FRMD4B: variants seen among roughly 807,000 people sequenced by gnomAD.
FRMD4B encodes FERM domain containing 4B, also known as FERM domain-containing protein 4B.
Under a neutral mutation model 141.5 loss-of-function variants are expected in FRMD4B, and 74 were observed. That is an observed-to-expected ratio of 0.52 (90% CI 0.43 to 0.63). The LOEUF (loss-of-function observed/expected upper bound fraction) is 0.63. Ranked by LOEUF, FRMD4B falls within the 30% of genes least tolerant of loss-of-function variation. The pLI is 0.00. For synonymous variants in FRMD4B, 506 were observed against 467.9 expected, an observed-to-expected ratio of 1.08 and a Z score of -1.05; for missense variants, 1,366 against 1,253.4, an observed-to-expected ratio of 1.09 and a Z score of -1.36.
chr3:69,355,209 A>C (rs1404015142), intron 1 of FRMD4B, among the ~76,000 whole-genome samples: 1 of 152,158 alleles, frequency 6.6e-6, no homozygotes, highest in African/African-American at 2.4e-5. Context: ...AAGCTGAATA[A>C]AATTATCCTA....
In FRMD4B at chr3:69,339,985, C is replaced by T. The variant is rs146411898; in HGVS notation, c.163-26468G>A. Among the ~76,000 whole-genome samples the T allele has an allele frequency of 4.0e-3, 615 of 152,152 alleles. 3 individuals carry two copies. Among genetic ancestry groups the T allele is most frequent in the Non-Finnish European group, 6.7e-3 (453 of 67,982 alleles). On this transcript the variant is annotated intron_variant, in intron 1 of 22. Transcript: ENST00000398540. ...TACCAAGCCCTGCACTGCCTCATTC[C>T]TGCCCACTCTTCCCCTGGTCTTGTG...
chr3:69,196,707 T>TA, intron 13 of FRMD4B, 193 bp downstream of exon 13: 1 of 590,414 alleles, frequency 1.7e-6, no homozygotes, highest in Non-Finnish European at 2.9e-6. Context: ...TGGCCAGTCT[T>TA]ACAACTTTTA....
In FRMD4B at chr3:69,410,731, ATATATATATATATATATATATATAT is replaced by A. The variant is rs1704744268; in HGVS notation, c.-1+21878_-1+21902del. On this transcript the variant is annotated intron_variant, in intron 2 of 5. Coordinates refer to the FRMD4B transcript ENST00000459638. ...TATAAATAAATAAATAAATAAATAT[ATATATATATATATATATATATATAT>A]ATATATATATATATATATTTGAGAC... Among the ~76,000 whole-genome samples the A allele has an allele frequency of 2.2e-3, 180 of 81,462 alleles. 5 individuals are homozygous for A. The highest frequency in any genetic ancestry group is 0.014 in the Middle Eastern group (2 of 148). 53.4% of individuals were successfully genotyped at this position (81,462 alleles called of 152,430 possible).
chr3:69,519,825 T>C (rs1700822515), intron 1 of FRMD4B, among the ~76,000 whole-genome samples: 1 of 151,876 alleles, frequency 6.6e-6, no homozygotes, highest in Non-Finnish European at 1.5e-5. Flanking sequence ...AAGTCTACCG[T>C]ATAATTCTTA....
chr3:69,187,728 T>G, intron 19 of FRMD4B, 42 bp downstream of exon 19: 2 of 1,553,178 alleles, frequency 1.3e-6, no homozygotes, highest in African/African-American at 2.8e-5. Flanking sequence ...AAAAATTTCC[T>G]AGCTGTGGGG....
intron 1 of FRMD4B, among the ~76,000 whole-genome samples, chr3:69,373,034 C>A (rs1357823330): frequency 6.6e-6 from 1 of 152,124 alleles, no homozygotes. Context: ...GATGCAAACA[C>A]CTCCATGATT....
At chr3:69,430,987 T>C (rs1416586872) in intron 2 of FRMD4B, among the ~76,000 whole-genome samples, 2 of 152,150 alleles carry the variant, frequency 1.3e-5, no homozygotes, top group Non-Finnish European at 2.9e-5. Flanking sequence ...AGCCCCGGTC[T>C]AAGACTTAAA....
rs1328596355 is a variant in FRMD4B, at chr3:69,525,277, A to ATCT, written c.-129+16928_-129+16929insAGA. Among the ~76,000 whole-genome samples, 1,291 of 152,296 alleles carry ATCT rather than the reference A, an allele frequency of 8.5e-3. 21 individuals are homozygous for ATCT. Among genetic ancestry groups the ATCT allele is most frequent in the African/African-American group, 0.029 (1,189 of 41,546 alleles). On this transcript the variant is annotated intron_variant, in intron 1 of 5. Transcript: ENST00000459638. Reference sequence around the variant, plus strand: ...TTTTCAGACTCCCCTTTCTCAGAGCACACAGGATGGGTAGATGTTGGGTTT... The same window carrying ATCT: ...TTTTCAGACTCCCCTTTCTCAGAGCATCTCACAGGATGGGTAGATGTTGGGTTT...
chr3:69,447,001 T>A (rs888524752), intron 1 of FRMD4B, among the ~76,000 whole-genome samples: 3 of 152,136 alleles, frequency 2.0e-5, no homozygotes, highest in Admixed American at 2.0e-4. Context: ...GAGTTTTTTT[T>A]AATGCTAGGG....
chr3:69,340,833 T>C (rs1702716286), intron 1 of FRMD4B, among the ~76,000 whole-genome samples: 1 of 152,218 alleles, frequency 6.6e-6, no homozygotes, highest in African/African-American at 2.4e-5. Flanking sequence ...ACTTTGTTAT[T>C]TAATGTCTGC....
At chr3:69,481,974 C>CT in intron 1 of FRMD4B, among the ~76,000 whole-genome samples, 1 of 152,282 alleles carries the variant, frequency 6.6e-6, no homozygotes, top group South Asian at 2.1e-4. Flanking sequence ...GGACTAGATC[C>CT]TTTTTTTCTT....
chr3:69,500,851 G>A (rs1239065377), intron 1 of FRMD4B, among the ~76,000 whole-genome samples: 1 of 152,134 alleles, frequency 6.6e-6, no homozygotes, highest in Admixed American at 6.5e-5. Context: ...GATGAATCAA[G>A]AAGCACAAAT....
intron 1 of FRMD4B, among the ~76,000 whole-genome samples, chr3:69,314,918 A>G (rs1189195149): frequency 6.6e-6 from 1 of 151,998 alleles, no homozygotes; most frequent in Non-Finnish European, 1.5e-5. Flanking sequence ...AGTCCCAGCT[A>G]CTCAAGAGGC....
In FRMD4B at chr3:69,481,057, G is replaced by A. The variant is rs535327961; in HGVS notation, c.-128-48296C>T. On this transcript the variant is annotated intron_variant, in intron 1 of 5. Coordinates refer to the FRMD4B transcript ENST00000459638. ...TCCTGGTGCGCCGTTTTTTAAGCCC[G>A]TCGGAAAAGCCCAGTGTTAGGGTAG... Among the ~76,000 whole-genome samples, 247 of 152,244 alleles carry A rather than the reference G, an allele frequency of 1.6e-3. 1 individual carries two copies. The highest frequency in any genetic ancestry group is 5.6e-3 in the African/African-American group (233 of 41,548).
chr3:69,400,946 G>A (rs1429817238), intron 2 of FRMD4B, among the ~76,000 whole-genome samples: 1 of 152,156 alleles, frequency 6.6e-6, no homozygotes, highest in Admixed American at 6.5e-5. Context: ...ACTTAAGTCT[G>A]TTAACTGATT....
At chr3:69,470,542 GT>G (rs1705870079) in intron 1 of FRMD4B, among the ~76,000 whole-genome samples, 2 of 152,234 alleles carry the variant, frequency 1.3e-5, no homozygotes, top group Admixed American at 6.5e-5. Context: ...AAAGAAGAAA[GT>G]TACTTGTGGT....
At chr3:69,501,134 C>T (rs373432424) in intron 1 of FRMD4B, among the ~76,000 whole-genome samples, 16 of 151,810 alleles carry the variant, frequency 1.1e-4, no homozygotes, top group African/African-American at 3.9e-4. Context: ...ATATGGCAAG[C>T]TTGTCCAACC....
At chr3:69,251,693 A>G (rs185571384) in intron 5 of FRMD4B, among the ~76,000 whole-genome samples, 3 of 152,374 alleles carry the variant, frequency 2.0e-5, no homozygotes, top group Non-Finnish European at 4.4e-5. Context: ...AAGCTCGCCC[A>G]TAATCTCTAG....
chr3:69,436,158 C>T (rs1328430769), intron 1 of FRMD4B, among the ~76,000 whole-genome samples: 1 of 152,134 alleles, frequency 6.6e-6, no homozygotes, highest in Non-Finnish European at 1.5e-5. Flanking sequence ...CCAGAGAGTT[C>T]CCCTCCCTCA....
Sources: gnomAD v4.1 joint callset for allele counts (sites outside exome capture counted in the v4.1 genomes callset) on GRCh38, gnomAD v4.1.1 for gene constraint, MANE v1.5 for transcripts, NCBI Gene and HGNC (gene_info 2026-07-23, HGNC 2026-07-21) for gene names.